F10: variants seen among roughly 807,000 people sequenced by gnomAD.
F10 encodes the protein coagulation factor X.
A neutral mutation model predicts 37.1 loss-of-function variants in F10; 29 were observed. That is an observed-to-expected ratio of 0.78 (90% CI 0.58 to 1.07). The LOEUF (loss-of-function observed/expected upper bound fraction) is 1.07, where lower values mean the gene tolerates loss of function less well. Among genes scored for constraint, F10 ranks in the 50% least tolerant of loss-of-function variants. F10 has a pLI of 0.00. For synonymous variants in F10, 262 were observed against 268.6 expected, an observed-to-expected ratio of 0.98 and a Z score of 0.24; for missense variants, 539 against 667.9, an observed-to-expected ratio of 0.81 and a Z score of 2.13.
rs3211737 is a variant in F10, at chr13:113,129,701, G to A, written c.231+89G>A. On this transcript the variant is annotated intron_variant, in intron 2 of 7. Coordinates refer to ENST00000375559, the MANE Select transcript of F10 (RefSeq NM_000504.4). ...CGCTGCTCCGTCCATCCAGGGGGGC[G>A]GCCTGGAGGAAGGGGCAGCGTGCGC... is the stretch of plus-strand genomic sequence containing the variant. The A allele has an allele frequency of 0.034, 52,534 of 1,554,886 alleles. 3,272 individuals carry two copies. The highest frequency in any genetic ancestry group is 0.34 in the East Asian group (14,974 of 44,442).
intron 2 of F10, chr13:113,131,337 A>T (rs2036432399): frequency 6.6e-6 from 1 of 152,204 alleles, no homozygotes; most frequent in Non-Finnish European, 1.5e-5. Flanking sequence ...GTCTGTGCAG[A>T]CTGTCATGAT....
At chr13:113,127,586 G>A (rs188189997) in intron 1 of F10, among the ~76,000 whole-genome samples, 31 of 152,210 alleles carry the variant, frequency 2.0e-4, no homozygotes, top group East Asian at 7.7e-4. Context: ...ACAGACTCTC[G>A]GATCCAGGGC....
chr13:113,124,373 G>A (rs45449297), intron 1 of F10, among the ~76,000 whole-genome samples: 2,430 of 152,354 alleles, frequency 0.016, 22 homozygotes, highest in Middle Eastern at 0.037. Flanking sequence ...CCCACCTCGC[G>A]GACCTCTGGG....
At position 113,122,863 on chromosome 13, in the gene F10, G is replaced by A. The variant is rs1026200798; in HGVS notation, c.8G>A (p.Arg3His). The A allele has an allele frequency of 1.6e-5, 25 of 1,610,428 alleles. No homozygotes were observed. Among genetic ancestry groups the A allele is most frequent in the Middle Eastern group, 1.6e-4 (1 of 6,062 alleles). Reference sequence around the variant, plus strand: ...ACAGTACTCGGCCACACCATGGGGCGCCCACTGCACCTCGTCCTGCTCAGT... The same window carrying A: ...ACAGTACTCGGCCACACCATGGGGCACCCACTGCACCTCGTCCTGCTCAGT... MG[R>H]PLHLVLLSAS... The change falls in exon 1 of 8, where the codon CGC becomes CAC. Residue 3 changes from arginine (R) to histidine (H), a missense_variant. Coordinates refer to ENST00000375559, the MANE Select transcript of F10 (RefSeq NM_000504.4).
At chr13:113,123,002 A>G in intron 1 of F10, 77 bp downstream of exon 1, 1 of 1,498,162 alleles carries the variant, frequency 6.7e-7, no homozygotes, top group Non-Finnish European at 9.1e-7. Flanking sequence ...AAACCCTCTC[A>G]TCTCTGCAGC....
rs368148887 is a variant in F10, at chr13:113,133,445, A to G, written c.231+3833A>G. On this transcript the variant is annotated intron_variant, in intron 2 of 7. Transcript: ENST00000375559. ...CTCTGCATATATAAATTTGCATGAG[A>G]TTTGAACTTGGATGAAATGAGCCTA... 1.5e-3 allele frequency among the ~76,000 whole-genome samples: 236 copies of G among 152,312 alleles called. 1 individual carries two copies. In the South Asian group the frequency reaches 0.047, roughly 30 times the overall value.
In F10 at chr13:113,122,805, G is replaced by T; in HGVS notation, c.-51G>T. On this transcript the variant is annotated 5_prime_UTR_variant, in exon 1 of 8. Transcript: ENST00000375559. Reference sequence around the variant, plus strand: ...CCATCCCAGCTGGGGCGTGGACTTTGCTCCAGCAGCCTGTCCCAGTGAGGA... The same window carrying T: ...CCATCCCAGCTGGGGCGTGGACTTTTCTCCAGCAGCCTGTCCCAGTGAGGA... The T allele has an allele frequency of 1.3e-6, 2 of 1,598,852 alleles. No homozygotes were observed. The highest frequency in any genetic ancestry group is 1.7e-6 in the Non-Finnish European group (2 of 1,174,688).
In F10 at chr13:113,144,425, G is replaced by A. The variant is rs1328120800; in HGVS notation, c.747+330G>A. Among the ~76,000 whole-genome samples the A allele has an allele frequency of 6.6e-6, 1 of 152,210 alleles. No individual in the cohort carries two copies. Among genetic ancestry groups the A allele is most frequent in the Non-Finnish European group, 1.5e-5 (1 of 68,032 alleles). ...CTGTGAAACAGAAGAGAGGGAGAAG[G>A]CGCAGCCACACGCTCAAGTGTCCTC... On this transcript the variant is annotated intron_variant, in intron 6 of 7. Coordinates refer to ENST00000375559, the MANE Select transcript of F10 (RefSeq NM_000504.4). This position sits in a 1 kb window ranked among gnomAD's most constrained non-coding sequence, Gnocchi z 6.4.
In F10 at chr13:113,140,762, T is replaced by A. The variant is rs1178546769; in HGVS notation, c.371-157T>A. ...CTCCCCGTGACCCGTGAGGTTGCCC[T>A]TCAAGGCAAGTGTACCTGTCGCCTG... On this transcript the variant is annotated intron_variant, in intron 4 of 7. Coordinates refer to ENST00000375559, the MANE Select transcript of F10 (RefSeq NM_000504.4). 11 of 1,136,950 alleles carry A rather than the reference T, an allele frequency of 9.7e-6. No individual in the cohort carries two copies. In the Admixed American group the frequency reaches 1.9e-4, roughly 20 times the overall value. 70.4% of individuals were successfully genotyped at this position (1,136,950 alleles called of 1,614,324 possible).
At position 113,143,771 on chromosome 13, in the gene F10, C is replaced by G. The variant is rs765978145; in HGVS notation, c.503-80C>G. 5.0e-6 allele frequency: 8 copies of G among 1,593,800 alleles called. No homozygotes were observed. Among genetic ancestry groups the G allele is most frequent in the Non-Finnish European group, 6.8e-6 (8 of 1,175,560 alleles). ...CGCTCTGCCTCCCGGCTCTCTGACT[C>G]TTCTCCCTCAGGGTGAGCTGTGCAG... On this transcript the variant is annotated intron_variant, in intron 5 of 7. Transcript: ENST00000375559. This position sits in a 1 kb window ranked among gnomAD's most constrained non-coding sequence, Gnocchi z 6.8.
intron 1 of F10, among the ~76,000 whole-genome samples, chr13:113,127,112 A>C (rs2036377997): frequency 6.6e-6 from 1 of 152,262 alleles, no homozygotes; most frequent in South Asian, 2.1e-4. Context: ...AGATTTACTA[A>C]GCACCTTCTG....
At chr13:113,147,324 C>T in intron 6 of F10, 55 bp from the exon 7 acceptor site, 1 of 1,244,422 alleles carries the variant, frequency 8.0e-7, no homozygotes, top group Non-Finnish European at 1.2e-6. Context: ...GCTTCTCAGT[C>T]AGGCAACACC....
chr13:113,129,585 C>A lies in F10; in HGVS notation c.204C>A (p.Arg68=). The A allele has an allele frequency of 6.2e-7, 1 of 1,614,182 alleles. No individual in the cohort carries two copies. The highest frequency in any genetic ancestry group is 8.5e-7 in the Non-Finnish European group (1 of 1,180,022). ...MEETCSYEEA[R]EVFEDSDKTN... ...AGACCTGCTCATACGAAGAGGCCCG[C>A]GAGGTCTTTGAGGACAGCGACAAGA... Residue 68 remains arginine (R), a synonymous_variant, in exon 2 of 8, where the codon CGC becomes CGA. Coordinates refer to ENST00000375559, the MANE Select transcript of F10 (RefSeq NM_000504.4).
At chr13:113,127,081 C>T (rs566739314) in intron 1 of F10, among the ~76,000 whole-genome samples, 1 of 152,208 alleles carries the variant, frequency 6.6e-6, no homozygotes, top group Non-Finnish European at 1.5e-5. Flanking sequence ...GGTAAAGTAA[C>T]TGGAGGTAGG....
chr13:113,147,788 GCTAA>G (rs2036596056), intron 7 of F10, among the ~76,000 whole-genome samples: 1 of 152,136 alleles, frequency 6.6e-6, no homozygotes, highest in African/African-American at 2.4e-5. Context: ...TGCATGTCCA[GCTAA>G]TGTTCTGTGT....
Position 113,130,892 on chromosome 13 carries a change from C to T in F10, c.231+1280C>T, listed in dbSNP as rs3213002. The T allele has an allele frequency of 1.9e-3, 294 of 152,374 alleles. 1 individual carries two copies. Among genetic ancestry groups the T allele is most frequent in the Non-Finnish European group, 2.9e-3 (195 of 68,038 alleles). 9.4% of individuals were successfully genotyped at this position (152,374 alleles called of 1,614,324 possible). On this transcript the variant is annotated intron_variant, in intron 2 of 7. Coordinates refer to ENST00000375559, the MANE Select transcript of F10 (RefSeq NM_000504.4). The stretch of plus-strand genomic sequence containing the variant: ...AGACGTACTCAGAGTCCAGGAAAAT[C>T]TAGGAAACACCAAGAAGGGCGAGCG...
chr13:113,143,978 C>T lies in F10; in HGVS notation c.630C>T (p.Pro210=), dbSNP rs897179923. Residue 210 remains proline (P), a synonymous_variant, in exon 6 of 8, where the codon CCC becomes CCT. Coordinates refer to ENST00000375559, the MANE Select transcript of F10 (RefSeq NM_000504.4). The surrounding 1 kb of genome is among the most constrained non-coding windows in gnomAD (Gnocchi z 6.8). The part of the protein sequence containing the change: ...WKPYDAADLD[P]TENPFDLLDF... ...CATATGATGCAGCCGACCTGGACCC[C>T]ACCGAGAACCCCTTCGACCTGCTTG... The T allele has an allele frequency of 6.2e-7, 1 of 1,613,640 alleles. No individual in the cohort carries two copies. The highest frequency in any genetic ancestry group is 1.3e-5 in the African/African-American group (1 of 75,006).
At chr13:113,128,444 A>C (rs901465798) in intron 1 of F10, 2 of 152,200 alleles carry the variant, frequency 1.3e-5, no homozygotes, top group African/African-American at 4.8e-5. Context: ...AATGGAAAGG[A>C]GTATCTGGGT....
intron 6 of F10, among the ~76,000 whole-genome samples, chr13:113,145,330 T>C (rs1054966344): frequency 3.3e-5 from 5 of 152,218 alleles, no homozygotes; most frequent in African/African-American, 1.2e-4. Context: ...CAGGTCCTAA[T>C]CTTTGATTGT....
Sources: gnomAD v4.1 joint callset for allele counts (sites outside exome capture counted in the v4.1 genomes callset) on GRCh38, gnomAD v4.1.1 for gene constraint, Gnocchi (gnomAD v3.1) non-coding constraint, MANE v1.5 for transcripts, NCBI Gene and HGNC (gene_info 2026-07-23, HGNC 2026-07-21) for gene names.